The following TSPAN5 variants were observed in gnomAD, a reference collection of about 807,000 sequenced individuals.
The protein encoded by TSPAN5 is tetraspanin 5.
A neutral mutation model predicts 37.1 loss-of-function variants in TSPAN5; 10 were observed. The ratio of observed to expected loss-of-function variants is 0.27; its 90% CI spans 0.17 to 0.46. TSPAN5 has a LOEUF of 0.46. TSPAN5 is among the 20% of genes least tolerant of loss of function. TSPAN5 has a pLI of 1.00. For synonymous variants in TSPAN5, 110 were observed against 118.9 expected (o/e 0.93, Z 0.48); for missense variants, 195 against 326.6 (o/e 0.60, Z 3.11).
In TSPAN5 at chr4:98,485,156, C is replaced by T. The variant is rs115567375; in HGVS notation, c.279+1582G>A. ...ATCCCACATTTTGGGGCATGGAGGC[C>T]GAAACTGATGAAATAGTGGCAACAG... On this transcript the variant is annotated intron_variant, in intron 3 of 7. Coordinates refer to ENST00000305798, the MANE Select transcript of TSPAN5 (RefSeq NM_005723.4). 828 of 154,800 alleles carry T rather than the reference C, an allele frequency of 5.3e-3. 8 individuals are homozygous for T. Among genetic ancestry groups the T allele is most frequent in the Middle Eastern group, 9.9e-3 (3 of 304 alleles). 9.6% of individuals were successfully genotyped at this position (154,800 alleles called of 1,614,324 possible).
chr4:98,516,174 G>C (rs1237141994), intron 1 of TSPAN5, among the ~76,000 whole-genome samples: 1 of 152,196 alleles, frequency 6.6e-6, no homozygotes, highest in Non-Finnish European at 1.5e-5. Flanking sequence ...CCCAACAGGG[G>C]CTCCTGTACG....
At chr4:98,492,397 G>A (rs762614262) in intron 2 of TSPAN5, among the ~76,000 whole-genome samples, 6 of 152,172 alleles carry the variant, frequency 3.9e-5, no homozygotes, top group Admixed American at 6.5e-5. Context: ...AGTGGTTCCT[G>A]AGGCCTGCCC....
intron 1 of TSPAN5, among the ~76,000 whole-genome samples, chr4:98,649,337 A>G (rs72900204): frequency 0.02 from 2,980 of 152,306 alleles, 95 homozygotes; most frequent in African/African-American, 0.068. Flanking sequence ...TTGAAATCCA[A>G]TGGGCCAGAA....
intron 7 of TSPAN5, among the ~76,000 whole-genome samples, chr4:98,475,851 G>C (rs1021580385): frequency 6.6e-6 from 1 of 151,810 alleles, no homozygotes; most frequent in Non-Finnish European, 1.5e-5. Flanking sequence ...TTAGCCGGGC[G>C]TAGTGGCGGG....
At position 98,620,555 on chromosome 4, in the gene TSPAN5, G is replaced by A. The variant is rs147466777; in HGVS notation, c.81+37591C>T. Among the ~76,000 whole-genome samples, 264 of 152,288 alleles carry A rather than the reference G, an allele frequency of 1.7e-3. 1 individual carries two copies. In the Middle Eastern group the frequency reaches 0.034, roughly 20 times the overall value. On this transcript the variant is annotated intron_variant, in intron 1 of 7. Transcript: ENST00000305798. ...AGAAGTGCTTTGTCACACAGCAGTCGACAATAAGAACAAAGGTGCTGCATA... is the reference window on the plus strand; with the variant it reads ...AGAAGTGCTTTGTCACACAGCAGTCAACAATAAGAACAAAGGTGCTGCATA...
chr4:98,479,839 C>T (rs1054913260), intron 4 of TSPAN5, among the ~76,000 whole-genome samples: 1 of 152,188 alleles, frequency 6.6e-6, no homozygotes, highest in African/African-American at 2.4e-5. Context: ...ATTACTGAAG[C>T]ACACACTATA....
At chr4:98,599,008 C>G (rs1755822195) in intron 1 of TSPAN5, among the ~76,000 whole-genome samples, 1 of 152,204 alleles carries the variant, frequency 6.6e-6, no homozygotes, top group Admixed American at 6.5e-5. Flanking sequence ...TTCAAAAAAT[C>G]TCCAAGAGCT....
chr4:98,594,159 C>T (rs1755711618), intron 1 of TSPAN5, among the ~76,000 whole-genome samples: 1 of 125,806 alleles, frequency 7.9e-6, no homozygotes, highest in South Asian at 2.6e-4. Context: ...CTTCACATCC[C>T]TTGTAAGTTG....
At chr4:98,524,857 C>A (rs971974562) in intron 1 of TSPAN5, among the ~76,000 whole-genome samples, 2 of 152,092 alleles carry the variant, frequency 1.3e-5, no homozygotes, top group Non-Finnish European at 2.9e-5. Flanking sequence ...CTTTACTATG[C>A]AGTTATGTTT....
At chr4:98,492,811 A>G (rs1753113133) in intron 2 of TSPAN5, among the ~76,000 whole-genome samples, 1 of 152,184 alleles carries the variant, frequency 6.6e-6, no homozygotes, top group South Asian at 2.1e-4. Context: ...TGATTTGTCT[A>G]TGTTACTGAC....
At chr4:98,495,708 G>A (rs1422596441) in intron 2 of TSPAN5, among the ~76,000 whole-genome samples, 1 of 151,544 alleles carries the variant, frequency 6.6e-6, no homozygotes, top group Non-Finnish European at 1.5e-5. Flanking sequence ...ATGCAGAAAC[G>A]AAAAGGCAAA....
intron 1 of TSPAN5, among the ~76,000 whole-genome samples, chr4:98,590,707 CAAAAA>C (rs201373765): frequency 1.1e-5 from 1 of 91,488 alleles, no homozygotes; most frequent in African/African-American, 3.9e-5. Flanking sequence ...GAGACTGTCT[CAAAAA>C]AAAAAAAAAA....
intron 2 of TSPAN5, among the ~76,000 whole-genome samples, chr4:98,499,239 G>C (rs888068417): frequency 6.6e-6 from 1 of 152,258 alleles, no homozygotes; most frequent in East Asian, 1.9e-4. Context: ...GGCAGGCGGT[G>C]GGCAGAGGCA....
chr4:98,634,042 G>T (rs1756803125), intron 1 of TSPAN5, among the ~76,000 whole-genome samples: 1 of 151,278 alleles, frequency 6.6e-6, no homozygotes, highest in Admixed American at 6.6e-5. Flanking sequence ...TGGCACCACT[G>T]CACTCCAGCC....
intron 1 of TSPAN5, among the ~76,000 whole-genome samples, chr4:98,518,954 G>A (rs1027398080): frequency 6.6e-6 from 1 of 152,196 alleles, no homozygotes; most frequent in Non-Finnish European, 1.5e-5. Context: ...GCCAACCAAG[G>A]ATTTTAAGCA....
chr4:98,539,768 AC>A (rs1281005598), intron 1 of TSPAN5, among the ~76,000 whole-genome samples: 2 of 152,108 alleles, frequency 1.3e-5, no homozygotes, highest in Admixed American at 6.6e-5. Context: ...ATAATATTAT[AC>A]CGGGGTTGGT....
intron 1 of TSPAN5, among the ~76,000 whole-genome samples, chr4:98,569,220 C>G (rs1755068669): frequency 6.6e-6 from 1 of 152,204 alleles, no homozygotes; most frequent in South Asian, 2.1e-4. Flanking sequence ...TGTTCCCACA[C>G]CAGAATCCCA....
chr4:98,573,223 T>G (rs1755165426), intron 1 of TSPAN5, among the ~76,000 whole-genome samples: 3 of 152,220 alleles, frequency 2.0e-5, no homozygotes. Flanking sequence ...GCTAGAAGTT[T>G]CTGAAGGGGG....
chr4:98,582,497 C>T (rs1248052968), intron 1 of TSPAN5, among the ~76,000 whole-genome samples: 5 of 152,218 alleles, frequency 3.3e-5, no homozygotes, highest in African/African-American at 4.8e-5. Flanking sequence ...ATTTGCTTTC[C>T]GTTTTGACAG....
Sources: allele counts gnomAD v4.1 joint callset (sites outside exome capture counted in the v4.1 genomes callset), GRCh38; gene constraint gnomAD v4.1.1; transcripts MANE v1.5; gene names NCBI Gene and HGNC (gene_info 2026-07-23, HGNC 2026-07-21).